Variants in ZFHX3 observed in about 807,000 individuals in gnomAD.
ZFHX3 encodes the protein zinc finger homeobox protein 3.
A neutral mutation model predicts 279.1 loss-of-function variants in ZFHX3; 42 were observed. That is an observed-to-expected ratio of 0.15 (90% CI 0.12 to 0.19). The LOEUF (loss-of-function observed/expected upper bound fraction) is 0.19. ZFHX3 is among the 10% of genes least tolerant of loss of function. The pLI, the probability that ZFHX3 is intolerant of heterozygous loss-of-function variation, is 1.00. For synonymous variants in ZFHX3, 2,293 were observed against 1,957.8 expected, an observed-to-expected ratio of 1.17 and a Z score of -4.52; for missense variants, 4,981 against 4,754.0, an observed-to-expected ratio of 1.05 and a Z score of -1.40.
chr16:72,853,343 C>T (rs146059849), intron 4 of ZFHX3, among the ~76,000 whole-genome samples: 8 of 152,294 alleles, frequency 5.3e-5, no homozygotes, highest in African/African-American at 1.9e-4. Context: ...TGTGAAGACT[C>T]CAATAATTTC....
chr16:73,326,385 C>A (rs2015689174), intron 3 of ZFHX3, among the ~76,000 whole-genome samples: 1 of 152,170 alleles, frequency 6.6e-6, no homozygotes, highest in Non-Finnish European at 1.5e-5. Context: ...CTTTCCAGTT[C>A]TCAGTGCAAT....
intron 2 of ZFHX3, among the ~76,000 whole-genome samples, chr16:73,503,700 C>T (rs893212308): frequency 2.0e-5 from 3 of 152,182 alleles, no homozygotes; most frequent in South Asian, 2.1e-4. Context: ...TGCATATCTA[C>T]GCAAAACATT....
chr16:72,839,062 C>A (rs192274705), intron 4 of ZFHX3, among the ~76,000 whole-genome samples: 1 of 152,242 alleles, frequency 6.6e-6, no homozygotes, highest in African/African-American at 2.4e-5. Flanking sequence ...TGGATTTCTA[C>A]AGAGCCATGA....
At chr16:73,526,396 G>T (rs866840977) in intron 2 of ZFHX3, among the ~76,000 whole-genome samples, 1 of 152,210 alleles carries the variant, frequency 6.6e-6, no homozygotes, top group African/African-American at 2.4e-5. Flanking sequence ...AGTCTTGAGC[G>T]TAAGCTGTGA....
rs1244934076 is a variant in ZFHX3, at chr16:72,787,567, C to G, written c.10709G>C (p.Ser3570Thr). ...GAAGCAGGCAGAGTGAGGTAATAAA[C>G]TAGGGTGCTCTTTGGCGTTTCTTGC... The part of the protein sequence containing the change: ...RAARNAKEHP[S>T]LLPHSACFPD... Residue 3570 changes from serine (S) to threonine (T), a missense_variant, in exon 10 of 10, where the codon AGT (serine) becomes ACT (threonine). Physicochemically the swap from Ser to Thr is moderately conservative, Grantham distance 58. This residue lies in a region of ZFHX3 where 1,034 missense variants were observed against 786.0 expected (regional missense o/e 1.32). Coordinates refer to ENST00000268489, the MANE Select transcript of ZFHX3 (RefSeq NM_006885.4). 16 of 1,613,988 alleles carry G rather than the reference C, an allele frequency of 9.9e-6. No homozygotes were observed. Among genetic ancestry groups the G allele is most frequent in the Non-Finnish European group, 1.3e-5 (15 of 1,179,968 alleles).
chr16:73,881,286 G>A (rs1332122177), intron 1 of ZFHX3, among the ~76,000 whole-genome samples: 1 of 152,174 alleles, frequency 6.6e-6, no homozygotes, highest in East Asian at 1.9e-4. Flanking sequence ...CCACTGGAAA[G>A]AATTCGGTCT....
At chr16:73,554,870 G>A (rs1012269486) in intron 2 of ZFHX3, 4 of 152,112 alleles carry the variant, frequency 2.6e-5, no homozygotes, top group African/African-American at 9.7e-5. Flanking sequence ...TACTAGGCCG[G>A]GATATTATAA....
chr16:72,797,130 G>A lies in ZFHX3; in HGVS notation c.5552C>T (p.Pro1851Leu), dbSNP rs765266659. ...AGAGAGTTGGTTCTGCTGCTGCTGCGGCAAGATCTGCTGATGGCTCTGCTG... is the reference window on the plus strand; with the variant it reads ...AGAGAGTTGGTTCTGCTGCTGCTGCAGCAAGATCTGCTGATGGCTCTGCTG... ...VPQQSHQQIL[P>L]QQQQNQLSIA... Residue 1851 changes from proline to leucine, a missense_variant, in exon 9 of 10, where the codon CCG (proline) becomes CTG (leucine). Around this residue, in one of 7 missense-constraint regions of ZFHX3, gnomAD observed 1,751 missense variants for 1,770.0 expected, o/e 0.99. Coordinates refer to ENST00000268489, the MANE Select transcript of ZFHX3 (RefSeq NM_006885.4). 3.7e-5 allele frequency: 59 copies of A among 1,613,482 alleles called. No homozygotes were observed. The highest frequency in any genetic ancestry group is 1.7e-4 in the Admixed American group (10 of 59,990).
chr16:73,425,058 C>A (rs2017787878), intron 3 of ZFHX3, among the ~76,000 whole-genome samples: 1 of 152,176 alleles, frequency 6.6e-6, no homozygotes, highest in African/African-American at 2.4e-5. Context: ...TGTCACTGCC[C>A]TTTTCCTGCC....
At chr16:73,026,781 T>C (rs1597108365) in intron 1 of ZFHX3, among the ~76,000 whole-genome samples, 1 of 152,158 alleles carries the variant, frequency 6.6e-6, no homozygotes, top group East Asian at 1.9e-4. Flanking sequence ...CCATTTTTAT[T>C]TGACTCCCAG....
At chr16:73,397,036 C>T (rs1206731321) in intron 3 of ZFHX3, among the ~76,000 whole-genome samples, 2 of 152,238 alleles carry the variant, frequency 1.3e-5, no homozygotes, top group Non-Finnish European at 2.9e-5. Flanking sequence ...ACCTAAGCGG[C>T]TCTCTTGTGA....
intron 2 of ZFHX3, among the ~76,000 whole-genome samples, chr16:73,496,808 G>T (rs2019149800): frequency 6.6e-6 from 1 of 152,286 alleles, no homozygotes; most frequent in East Asian, 1.9e-4. Flanking sequence ...TCTGGGGGGT[G>T]GGAGTGAGGG....
chr16:73,425,666 G>A (rs753387970), intron 3 of ZFHX3, among the ~76,000 whole-genome samples: 8 of 152,048 alleles, frequency 5.3e-5, no homozygotes, highest in East Asian at 1.9e-4. Context: ...GACCCCTCTC[G>A]TGTGTGATGG....
At chr16:72,947,744 T>A (rs1267711887) in intron 3 of ZFHX3, among the ~76,000 whole-genome samples, 2 of 152,058 alleles carry the variant, frequency 1.3e-5, no homozygotes, top group Admixed American at 1.3e-4. Context: ...GAGGGTTGTG[T>A]GTGAGAAGCC....
At chr16:73,890,587 C>T (rs974359427) in intron 1 of ZFHX3, among the ~76,000 whole-genome samples, 3 of 151,902 alleles carry the variant, frequency 2.0e-5, no homozygotes, top group African/African-American at 7.3e-5. Context: ...TAATCTGGTC[C>T]CTTCTTTTTC....
chr16:72,904,437 A>G (rs1036414103), intron 3 of ZFHX3, among the ~76,000 whole-genome samples: 1 of 152,022 alleles, frequency 6.6e-6, no homozygotes, highest in Non-Finnish European at 1.5e-5. Context: ...GTGGGCTGAA[A>G]GTTTGAACAG....
intron 1 of ZFHX3, among the ~76,000 whole-genome samples, chr16:73,778,596 T>C (rs1197479012): frequency 6.6e-6 from 1 of 152,246 alleles, no homozygotes; most frequent in Non-Finnish European, 1.5e-5. Flanking sequence ...AGGTGAGACC[T>C]ACCACTGGTG....
intron 3 of ZFHX3, among the ~76,000 whole-genome samples, chr16:73,352,470 CTCTCTTTTTTTTTTTTT>C (rs2016263414): frequency 1.6e-5 from 2 of 124,392 alleles, no homozygotes; most frequent in Admixed American, 7.7e-5. Flanking sequence ...CTCTCTCTCT[CTCTCTTTTTTTTTTTTT>C]TTTTTTTTTT....
At chr16:73,840,640 T>A (rs916017854) in intron 1 of ZFHX3, among the ~76,000 whole-genome samples, 1 of 152,202 alleles carries the variant, frequency 6.6e-6, no homozygotes, top group Non-Finnish European at 1.5e-5. Context: ...TTTTTGTCCA[T>A]AGCACCTAAA....
Sources: gnomAD v4.1 joint callset for allele counts (sites outside exome capture counted in the v4.1 genomes callset) on GRCh38, gnomAD v4.1.1 for gene constraint, gnomAD v4.1.1 regional missense constraint, MANE v1.5 for transcripts, NCBI Gene and HGNC (gene_info 2026-07-23, HGNC 2026-07-21) for gene names.